ADARB2: variants seen among roughly 807,000 people sequenced by gnomAD.
The protein encoded by ADARB2 is adenosine deaminase RNA specific B2 (inactive).
Under a neutral mutation model 62.2 loss-of-function variants are expected in ADARB2, and 25 were observed. The ratio of observed to expected loss-of-function variants is 0.40; its 90% CI spans 0.29 to 0.56. The LOEUF is 0.56. Among genes scored for constraint, ADARB2 ranks in the 20% least tolerant of loss-of-function variants. The pLI, the probability that ADARB2 is intolerant of heterozygous loss-of-function variation, is 0.43. For synonymous variants in ADARB2, 572 were observed against 500.8 expected (o/e 1.14, Z -1.90); for missense variants, 1,071 against 1,077.4 (o/e 0.99, Z 0.08).
intron 4 of ADARB2, among the ~76,000 whole-genome samples, chr10:1,242,789 T>G (rs201883431): frequency 1.3e-4 from 20 of 152,260 alleles, no homozygotes; most frequent in Admixed American, 2.0e-4. Context: ...CAGGAGCTGA[T>G]GAACCTGTCA....
At chr10:1,623,659 C>T (rs955521806) in intron 1 of ADARB2, among the ~76,000 whole-genome samples, 1 of 152,182 alleles carries the variant, frequency 6.6e-6, no homozygotes. Flanking sequence ...GTCATCAGTG[C>T]GATTGCACAC....
chr10:1,366,281 T>C (rs1032319856), intron 2 of ADARB2, among the ~76,000 whole-genome samples: 2 of 152,220 alleles, frequency 1.3e-5, no homozygotes, highest in African/African-American at 4.8e-5. Context: ...TTGATGATGA[T>C]TTAATTTTTC....
At chr10:1,647,518 TATGC>T (rs780529520) in intron 1 of ADARB2, among the ~76,000 whole-genome samples, 16 of 152,212 alleles carry the variant, frequency 1.1e-4, no homozygotes, top group Admixed American at 2.0e-4. Context: ...TGCCTGCATA[TATGC>T]ATGCATGTGT....
chr10:1,497,313 G>A (rs1831705916), intron 1 of ADARB2, among the ~76,000 whole-genome samples: 2 of 152,210 alleles, frequency 1.3e-5, no homozygotes, highest in South Asian at 2.1e-4. Context: ...TAGACAATTC[G>A]TGCCCCAAAC....
At chr10:1,676,340 C>A (rs567634801) in intron 1 of ADARB2, among the ~76,000 whole-genome samples, 16 of 152,018 alleles carry the variant, frequency 1.1e-4, no homozygotes, top group Non-Finnish European at 2.2e-4. Context: ...GTCAAGGCTT[C>A]CTTAGATAGT....
chr10:1,523,926 A>G (rs1832106340), intron 1 of ADARB2, among the ~76,000 whole-genome samples: 1 of 152,134 alleles, frequency 6.6e-6, no homozygotes, highest in Non-Finnish European at 1.5e-5. Context: ...TGATCTGTCT[A>G]CTCAATATCC....
chr10:1,576,280 G>A lies in ADARB2; in HGVS notation c.100+160771C>T, dbSNP rs1368768588. The stretch of plus-strand genomic sequence containing the variant: ...CACTGTAGGGCTCAGGGTCAAAGGA[G>A]GGGGCTCAGGATCACTGGAGGGGCT... On this transcript the variant is annotated intron_variant, in intron 1 of 9. Coordinates refer to ENST00000381312, the MANE Select transcript of ADARB2 (RefSeq NM_018702.4). Among the ~76,000 whole-genome samples the A allele has an allele frequency of 3.3e-5, 5 of 151,410 alleles. No homozygotes were observed. The East Asian group carries it at 9.8e-4, about 30-fold the overall frequency.
rs771375425 is a variant in ADARB2, at chr10:1,185,052, T to C, written c.1865-13A>G. 4 of 1,606,930 alleles carry C rather than the reference T, an allele frequency of 2.5e-6. No homozygotes were observed. The highest frequency in any genetic ancestry group is 1.3e-5 in the African/African-American group (1 of 74,914). Reference sequence around the variant, plus strand: ...GCGTCACTCACGCCTGTCGGGGAGATGGGGAAAGGCGGGCGTTAATATTCC... The same window carrying C: ...GCGTCACTCACGCCTGTCGGGGAGACGGGGAAAGGCGGGCGTTAATATTCC... On this transcript the variant is annotated splice_polypyrimidine_tract_variant and intron_variant, in intron 8 of 9. Coordinates refer to ENST00000381312, the MANE Select transcript of ADARB2 (RefSeq NM_018702.4).
chr10:1,431,469 T>C (rs1830777435), intron 1 of ADARB2, among the ~76,000 whole-genome samples: 1 of 152,152 alleles, frequency 6.6e-6, no homozygotes, highest in Non-Finnish European at 1.5e-5. Context: ...ATTTAGCACT[T>C]ATACATATTT....
chr10:1,678,204 G>T (rs762459167), intron 1 of ADARB2: 19 of 985,260 alleles, frequency 1.9e-5, no homozygotes, highest in Non-Finnish European at 2.3e-5. Flanking sequence ...GGACCTCAGG[G>T]TGAGTGGCCT....
At chr10:1,547,033 C>G (rs1330481125) in intron 1 of ADARB2, among the ~76,000 whole-genome samples, 1 of 152,218 alleles carries the variant, frequency 6.6e-6, no homozygotes, top group South Asian at 2.1e-4. Context: ...AGACAGAAGC[C>G]ATTCGTCGAG....
At chr10:1,589,011 G>A (rs182086749) in intron 1 of ADARB2, among the ~76,000 whole-genome samples, 20 of 152,286 alleles carry the variant, frequency 1.3e-4, no homozygotes, top group Admixed American at 9.1e-4. Flanking sequence ...GCTGGGAGAC[G>A]TAACCTGAAG....
chr10:1,673,213 T>C (rs1834414244), intron 1 of ADARB2, among the ~76,000 whole-genome samples: 1 of 152,180 alleles, frequency 6.6e-6, no homozygotes, highest in African/African-American at 2.4e-5. Context: ...ATGAATTTTA[T>C]TATAATAAAA....
At chr10:1,624,328 A>G (rs1024912143) in intron 1 of ADARB2, among the ~76,000 whole-genome samples, 2 of 152,168 alleles carry the variant, frequency 1.3e-5, no homozygotes, top group African/African-American at 2.4e-5. Context: ...TTAAACCACT[A>G]AAGACGATTT....
intron 1 of ADARB2, among the ~76,000 whole-genome samples, chr10:1,612,045 G>T (rs1833579109): frequency 6.6e-6 from 1 of 152,208 alleles, no homozygotes; most frequent in Non-Finnish European, 1.5e-5. Flanking sequence ...GGGGCACGAT[G>T]AGGTGGGTTC....
At position 1,255,997 on chromosome 10, in the gene ADARB2, G is replaced by A. The variant is rs191997370; in HGVS notation, c.1193-13698C>T. Among the ~76,000 whole-genome samples, 2 of 152,320 alleles carry A rather than the reference G, an allele frequency of 1.3e-5. No individual in the cohort carries two copies. Among genetic ancestry groups the A allele is most frequent in the South Asian group, 2.1e-4 (1 of 4,820 alleles). On this transcript the variant is annotated intron_variant, in intron 4 of 9. Transcript: ENST00000381312. The surrounding 1 kb of genome is among the most constrained non-coding windows in gnomAD (Gnocchi z 4.7). ...CTTGACTTTTCCAAAGTATACTTGCGGGGCATGAGAATGGACAGGCAGATG... is the reference window on the plus strand; with the variant it reads ...CTTGACTTTTCCAAAGTATACTTGCAGGGCATGAGAATGGACAGGCAGATG...
intron 3 of ADARB2, among the ~76,000 whole-genome samples, chr10:1,284,765 C>T (rs970620992): frequency 9.9e-5 from 15 of 152,112 alleles, no homozygotes; most frequent in African/African-American, 2.9e-4. Context: ...CAGAAGGTCT[C>T]GGAAAACAAA....
chr10:1,278,110 C>A (rs1268222968), intron 3 of ADARB2, among the ~76,000 whole-genome samples: 1 of 152,062 alleles, frequency 6.6e-6, no homozygotes, highest in African/African-American at 2.4e-5. Flanking sequence ...GCTGGGACTA[C>A]AGGCGCGCGC....
intron 1 of ADARB2, among the ~76,000 whole-genome samples, chr10:1,507,927 G>C (rs1004419538): frequency 6.6e-6 from 1 of 152,150 alleles, no homozygotes; most frequent in African/African-American, 2.4e-5. Flanking sequence ...ACTGGCCTCT[G>C]GGTCCTTCAG....
Sources: allele counts gnomAD v4.1 joint callset (sites outside exome capture counted in the v4.1 genomes callset), GRCh38; gene constraint gnomAD v4.1.1; non-coding constraint Gnocchi (gnomAD v3.1); transcripts MANE v1.5; gene names NCBI Gene and HGNC (gene_info 2026-07-23, HGNC 2026-07-21).